SEZ6L: variants seen among roughly 807,000 people sequenced by gnomAD.
SEZ6L encodes seizure related 6 homolog like, also known as seizure 6-like protein.
In SEZ6L, 37 loss-of-function variants were observed where a neutral mutation model predicts 106.2. The observed-to-expected ratio is 0.35, with a 90% confidence interval of 0.27 to 0.46. The LOEUF (loss-of-function observed/expected upper bound fraction) is 0.46. Among genes scored for constraint, SEZ6L ranks in the 20% least tolerant of loss-of-function variants. SEZ6L has a pLI of 1.00. For missense variants in SEZ6L, 1,172 were observed against 1,332.8 expected (o/e 0.88, Z 1.88); for synonymous variants, 541 against 570.4 (o/e 0.95, Z 0.73).
intron 6 of SEZ6L, among the ~76,000 whole-genome samples, chr22:26,306,707 A>C (rs7288223): frequency 0.017 from 2,540 of 152,316 alleles, 81 homozygotes; most frequent in African/African-American, 0.057. Flanking sequence ...ATTCTGCAGT[A>C]TTATTCTAGA....
At position 26,340,637 on chromosome 22, in the gene SEZ6L, G is replaced by T; in HGVS notation, c.2212+5G>T. On this transcript the variant is annotated splice_donor_5th_base_variant and intron_variant, in intron 10 of 16. Coordinates refer to ENST00000248933, the MANE Select transcript of SEZ6L (RefSeq NM_021115.5). ...GATTTATCATGAACTACATAGGTAGGTGTCTCATCTGGTCAATTTATTTTT... is the reference window on the plus strand; with the variant it reads ...GATTTATCATGAACTACATAGGTAGTTGTCTCATCTGGTCAATTTATTTTT... 6.2e-7 allele frequency: 1 copy of T among 1,603,850 alleles called. No homozygotes were observed. The highest frequency in any genetic ancestry group is 8.5e-7 in the Non-Finnish European group (1 of 1,175,122).
chr22:26,327,063 G>A (rs2082328238), intron 9 of SEZ6L, among the ~76,000 whole-genome samples: 2 of 152,106 alleles, frequency 1.3e-5, no homozygotes, highest in Non-Finnish European at 2.9e-5. Flanking sequence ...ATATGTGCAC[G>A]ATGCGGACGC....
chr22:26,286,780 C>T (rs140760987), intron 1 of SEZ6L, among the ~76,000 whole-genome samples: 3,339 of 129,790 alleles, frequency 0.026, 139 homozygotes, highest in African/African-American at 0.092. Context: ...GGAATTTTTG[C>T]TCTGTTGCCC....
At chr22:26,314,071 T>TACACAC (rs55746736) in intron 9 of SEZ6L, among the ~76,000 whole-genome samples, 169 bp downstream of exon 9, 11 of 145,612 alleles carry the variant, frequency 7.6e-5, no homozygotes, top group African/African-American at 1.6e-4. Context: ...GCATCACAAA[T>TACACAC]ACACACACAC....
At chr22:26,327,946 G>A (rs927663639) in intron 9 of SEZ6L, among the ~76,000 whole-genome samples, 4 of 152,210 alleles carry the variant, frequency 2.6e-5, no homozygotes, top group East Asian at 1.9e-4. Flanking sequence ...GATGCCATCT[G>A]GGGTCACCCC....
chr22:26,172,546 T>A (rs187893123), intron 1 of SEZ6L, among the ~76,000 whole-genome samples: 83 of 151,342 alleles, frequency 5.5e-4, no homozygotes, highest in Non-Finnish European at 1.0e-3. Context: ...CCAGAGACAA[T>A]TTATCCAATA....
intron 1 of SEZ6L, among the ~76,000 whole-genome samples, chr22:26,192,040 CCATT>C (rs1334006649): frequency 6.6e-6 from 1 of 152,132 alleles, no homozygotes; most frequent in Non-Finnish European, 1.5e-5. Flanking sequence ...CCCTGTCCAT[CCATT>C]CATCAATGCA....
intron 10 of SEZ6L, among the ~76,000 whole-genome samples, chr22:26,341,586 T>C (rs1444043416): frequency 6.6e-6 from 1 of 152,160 alleles, no homozygotes; most frequent in South Asian, 2.1e-4. Flanking sequence ...CAAATCCATC[T>C]ATCCAACTCC....
chr22:26,337,729 T>A (rs1284917856), intron 9 of SEZ6L, among the ~76,000 whole-genome samples: 2 of 152,160 alleles, frequency 1.3e-5, no homozygotes, highest in African/African-American at 2.4e-5. Flanking sequence ...GGGGATTTTG[T>A]CTTGAAGACA....
intron 1 of SEZ6L, among the ~76,000 whole-genome samples, chr22:26,248,723 T>A (rs1419755696): frequency 6.6e-6 from 1 of 152,196 alleles, no homozygotes; most frequent in Non-Finnish European, 1.5e-5. Context: ...AAGTTGTGAG[T>A]GGCATTTTCA....
At chr22:26,289,873 C>T (rs2081053731) in intron 1 of SEZ6L, among the ~76,000 whole-genome samples, 1 of 152,180 alleles carries the variant, frequency 6.6e-6, no homozygotes, top group Non-Finnish European at 1.5e-5. Context: ...GTCCGAGGGC[C>T]TTTGTCCCCG....
At chr22:26,330,151 G>A (rs1001108733) in intron 9 of SEZ6L, among the ~76,000 whole-genome samples, 2 of 152,208 alleles carry the variant, frequency 1.3e-5, no homozygotes, top group Admixed American at 1.3e-4. Flanking sequence ...AGGGATTGGG[G>A]TGAAGACATG....
At position 26,178,134 on chromosome 22, in the gene SEZ6L, A is replaced by G. The variant is rs548365478; in HGVS notation, c.94+8371A>G. 7.2e-5 allele frequency among the ~76,000 whole-genome samples: 11 copies of G among 152,354 alleles called. No individual in the cohort carries two copies. In the South Asian group the frequency reaches 1.4e-3, roughly 20 times the overall value. On this transcript the variant is annotated intron_variant, in intron 1 of 16. Coordinates refer to ENST00000248933, the MANE Select transcript of SEZ6L (RefSeq NM_021115.5). ...CTGGCGTCTATTACCCACATGGGAC[A>G]TTTACATTATGTGGCCATGGAAGAC...
Position 26,228,142 on chromosome 22 carries a change from A to C in SEZ6L, c.94+58379A>C, listed in dbSNP as rs5752285. ...CACCAACAGAGGTGCAGAAATGATT[A>C]AATGAATATGCTTGCCTGCCTGAAC... On this transcript the variant is annotated intron_variant, in intron 1 of 16. Transcript: ENST00000248933. Among the ~76,000 whole-genome samples, 838 of 152,338 alleles carry C rather than the reference A, an allele frequency of 5.5e-3. 38 individuals are homozygous for C. In the East Asian group the frequency reaches 0.097, roughly 18 times the overall value.
rs118022015 is a variant in SEZ6L at position 26,379,308 on chromosome 22, A to T, written c.3046-958A>T. Among the ~76,000 whole-genome samples, 87 of 152,288 alleles carry T rather than the reference A, an allele frequency of 5.7e-4. 3 individuals are homozygous for T. The East Asian group carries it at 0.015, about 26-fold the overall frequency. ...AGTCACAATCCTGTGTCATGCAAAC[A>T]TGGAAGTGACATCCTAGCACCTGTG... On this transcript the variant is annotated intron_variant, in intron 16 of 16. Transcript: ENST00000248933.
chr22:26,271,082 G>C (rs2145838772), intron 1 of SEZ6L, among the ~76,000 whole-genome samples: 1 of 152,256 alleles, frequency 6.6e-6, no homozygotes, highest in East Asian at 1.9e-4. Context: ...GTCCTCTTTG[G>C]GTGCACATGT....
Position 26,294,430 on chromosome 22 carries a change from C to A in SEZ6L, c.969+5C>A. 3.1e-6 allele frequency: 5 copies of A among 1,613,422 alleles called. No individual in the cohort carries two copies. The highest frequency in any genetic ancestry group is 2.2e-5 in the South Asian group (2 of 90,994). ...GGCTATGGGGTGGAGCTCCAGGTAA[C>A]CCCAGGAGAGTACCTCACAGAGGCT... On this transcript the variant is annotated splice_donor_5th_base_variant and intron_variant, in intron 3 of 16. Coordinates refer to ENST00000248933, the MANE Select transcript of SEZ6L (RefSeq NM_021115.5).
At chr22:26,253,906 A>C (rs192342936) in intron 1 of SEZ6L, 3 of 152,360 alleles carry the variant, frequency 2.0e-5, no homozygotes, top group Non-Finnish European at 2.9e-5. Context: ...TAATTCATTC[A>C]AAGTTTTAGT....
chr22:26,325,421 G>A (rs1258249045), intron 9 of SEZ6L, among the ~76,000 whole-genome samples: 2 of 152,176 alleles, frequency 1.3e-5, no homozygotes, highest in East Asian at 1.9e-4. Flanking sequence ...TTTTACAGAC[G>A]AGGAAACCGA....
Sources: allele counts gnomAD v4.1 joint callset (sites outside exome capture counted in the v4.1 genomes callset), GRCh38; gene constraint gnomAD v4.1.1; transcripts MANE v1.5; gene names NCBI Gene and HGNC (gene_info 2026-07-23, HGNC 2026-07-21).